Variants in FAM114A1 observed in about 807,000 individuals in gnomAD.
The protein encoded by FAM114A1 is family with sequence similarity 114 member A1.
Under a neutral mutation model 64.3 loss-of-function variants are expected in FAM114A1, and 62 were observed. The ratio of observed to expected loss-of-function variants is 0.96; its 90% confidence interval spans 0.79 to 1.19. The LOEUF (loss-of-function observed/expected upper bound fraction) is 1.19. FAM114A1 is among the 50% of genes most tolerant of loss of function. The pLI, the probability that FAM114A1 is intolerant of heterozygous loss-of-function variation, is 0.00. For missense variants in FAM114A1, 645 were observed against 676.3 expected (o/e 0.95, Z 0.51); for synonymous variants, 254 against 251.1 (o/e 1.01, Z -0.11).
intron 9 of FAM114A1, among the ~76,000 whole-genome samples, chr4:38,925,130 A>G (rs1322140379): frequency 1.3e-5 from 2 of 152,238 alleles, no homozygotes; most frequent in African/African-American, 2.4e-5. Context: ...ACACATAGAA[A>G]AACCTGAAGT....
chr4:38,878,664 G>A (rs375515571), intron 3 of FAM114A1, among the ~76,000 whole-genome samples: 8 of 152,254 alleles, frequency 5.3e-5, no homozygotes, highest in Non-Finnish European at 7.4e-5. Context: ...GACACAAGCC[G>A]TGTGCCAGGC....
chr4:38,938,195 T>C (rs187998206), intron 13 of FAM114A1, among the ~76,000 whole-genome samples: 46 of 152,304 alleles, frequency 3.0e-4, no homozygotes, highest in East Asian at 7.7e-4. Flanking sequence ...TCAGCAGCAA[T>C]TGGGGACAGT....
chr4:38,926,822 G>A (rs537515873), intron 9 of FAM114A1, among the ~76,000 whole-genome samples: 2 of 152,136 alleles, frequency 1.3e-5, no homozygotes, highest in African/African-American at 4.8e-5. Context: ...CTCTCCCTTT[G>A]TGTGATTAAT....
chr4:38,937,465 A>G (rs956123539), intron 13 of FAM114A1, among the ~76,000 whole-genome samples: 2 of 152,132 alleles, frequency 1.3e-5, no homozygotes, highest in South Asian at 2.1e-4. Context: ...CCCTCTGCTT[A>G]TAAGGACACC....
chr4:38,935,807 G>A lies in FAM114A1; in HGVS notation c.1536+17G>A. 6.3e-7 allele frequency: 1 copy of A among 1,576,860 alleles called. No individual in the cohort carries two copies. The highest frequency in any genetic ancestry group is 8.7e-7 in the Non-Finnish European group (1 of 1,155,294). On this transcript the variant is annotated intron_variant, in intron 13 of 14. Transcript: ENST00000358869. ...ACTGTTGGGGTAAGATTACAGTCTT[G>A]AATTTTTTTCACCTTTTTTAAGGGA... is the stretch of plus-strand genomic sequence containing the variant.
intron 3 of FAM114A1, 67 bp from the exon 4 acceptor site, chr4:38,891,676 C>T (rs1716407612): frequency 1.5e-6 from 2 of 1,361,066 alleles, no homozygotes; most frequent in Non-Finnish European, 2.0e-6. Flanking sequence ...TGTTTCAAAC[C>T]AATAGGTGTT....
intron 3 of FAM114A1, among the ~76,000 whole-genome samples, chr4:38,882,122 C>A (rs1241221496): frequency 6.7e-6 from 1 of 150,024 alleles, no homozygotes; most frequent in Non-Finnish European, 1.5e-5. Context: ...ACCATCCTGG[C>A]TAACAAGGTG....
At position 38,881,051 on chromosome 4, in the gene FAM114A1, G is replaced by A. The variant is rs1212504195; in HGVS notation, c.348+2625G>A. ...AACACAAAAATTAGCCAGGTGTGGT[G>A]GTGCATGCCTGTAGTCCCAGCTGCT... On this transcript the variant is annotated intron_variant, in intron 3 of 14. Transcript: ENST00000358869. 2.0e-5 allele frequency among the ~76,000 whole-genome samples: 3 copies of A among 152,012 alleles called. No homozygotes were observed. In the East Asian group the frequency reaches 5.8e-4, roughly 29 times the overall value.
At chr4:38,868,794 T>C (rs759018040) in intron 2 of FAM114A1, among the ~76,000 whole-genome samples, 5 of 152,232 alleles carry the variant, frequency 3.3e-5, no homozygotes, top group Non-Finnish European at 7.3e-5. Context: ...AGCCTCTTTT[T>C]GCCCTCTCTG....
intron 3 of FAM114A1, among the ~76,000 whole-genome samples, chr4:38,879,610 A>G (rs980170813): frequency 2.0e-5 from 3 of 151,992 alleles, no homozygotes; most frequent in Non-Finnish European, 4.4e-5. Flanking sequence ...CTCAGGGGCA[A>G]GGTGTTTCCC....
At chr4:38,904,812 T>C (rs1717826872) in intron 4 of FAM114A1, among the ~76,000 whole-genome samples, 1 of 152,218 alleles carries the variant, frequency 6.6e-6, no homozygotes, top group Admixed American at 6.5e-5. Context: ...ATAAGGAGCT[T>C]ACAAAAGAGT....
chr4:38,878,171 A>T lies in FAM114A1; in HGVS notation c.93A>T (p.Glu31Asp). Residue 31 changes from glutamate to aspartate, a missense_variant, in exon 3 of 15, where the codon GAA (glutamate) becomes GAT (aspartate). Physicochemically the swap from Glu to Asp is conservative, Grantham distance 45. Transcript: ENST00000358869. ...PNSDSLPEDA[E>D]VHCDSAAVSH... ...GTGATTCTTTACCTGAGGATGCAGA[A>T]GTGCATTGTGATTCAGCTGCAGTTT... 1 of 1,614,218 alleles carries T rather than the reference A, an allele frequency of 6.2e-7. No individual in the cohort carries two copies. The highest frequency in any genetic ancestry group is 1.3e-5 in the African/African-American group (1 of 75,060).
At position 38,934,245 on chromosome 4, in the gene FAM114A1, A is replaced by G. The variant is rs75388074; in HGVS notation, c.1464-1473A>G. On this transcript the variant is annotated intron_variant, in intron 12 of 14. Transcript: ENST00000358869. ...TACTCTTTGCTCCTTTCTGATTCCT[A>G]GCCCTGATTGTCCTGACCTTACCAA... Among the ~76,000 whole-genome samples the G allele has an allele frequency of 5.9e-3, 898 of 152,246 alleles. 4 individuals carry two copies. The highest frequency in any genetic ancestry group is 0.01 in the Middle Eastern group (3 of 294).
intron 2 of FAM114A1, among the ~76,000 whole-genome samples, chr4:38,869,830 A>G (rs1390966464): frequency 3.3e-5 from 5 of 152,068 alleles, no homozygotes; most frequent in Non-Finnish European, 7.4e-5. Context: ...CACTGTCACT[A>G]TTTCATAAAA....
intron 3 of FAM114A1, among the ~76,000 whole-genome samples, chr4:38,890,856 TGA>T (rs1374758554): frequency 2.0e-5 from 3 of 152,188 alleles, no homozygotes; most frequent in Non-Finnish European, 4.4e-5. Context: ...AACAAGAATA[TGA>T]GAGAATCTCA....
intron 2 of FAM114A1, among the ~76,000 whole-genome samples, chr4:38,875,964 T>A (rs1475400018): frequency 6.6e-6 from 1 of 152,156 alleles, no homozygotes; most frequent in Non-Finnish European, 1.5e-5. Context: ...CATTCCTTAT[T>A]TGGTTTCTAC....
chr4:38,928,217 C>T (rs1040337452), intron 9 of FAM114A1, among the ~76,000 whole-genome samples: 1 of 152,152 alleles, frequency 6.6e-6, no homozygotes, highest in African/African-American at 2.4e-5. Flanking sequence ...CTCTGCCTTC[C>T]CCCACTGGCA....
At chr4:38,878,651 T>G (rs1714916039) in intron 3 of FAM114A1, among the ~76,000 whole-genome samples, 1 of 152,214 alleles carries the variant, frequency 6.6e-6, no homozygotes, top group South Asian at 2.1e-4. Context: ...CCACCAATTA[T>G]CAGACACAAG....
rs76407834 is a variant in FAM114A1 at position 38,903,185 on chromosome 4, G to A, written c.437-2337G>A. On this transcript the variant is annotated intron_variant, in intron 4 of 14. Transcript: ENST00000358869. ...TTAAATAGATAGATCCCATTTACATGCACATAAAATCGTATTTCCTTCTAG... is the reference window on the plus strand; with the variant it reads ...TTAAATAGATAGATCCCATTTACATACACATAAAATCGTATTTCCTTCTAG... Among the ~76,000 whole-genome samples the A allele has an allele frequency of 5.7e-4, 87 of 152,250 alleles. No individual in the cohort carries two copies. In the East Asian group the frequency reaches 0.016, roughly 29 times the overall value.
Sources: allele counts gnomAD v4.1 joint callset (sites outside exome capture counted in the v4.1 genomes callset), GRCh38; gene constraint gnomAD v4.1.1; transcripts MANE v1.5; gene names NCBI Gene and HGNC (gene_info 2026-07-23, HGNC 2026-07-21).